Variants in MTMR9 observed in about 807,000 individuals in gnomAD.
MTMR9 encodes the protein myotubularin-related protein 9.
In MTMR9, 39 loss-of-function variants were observed where a neutral mutation model predicts 69.5. The observed-to-expected ratio is 0.56, with a 90% CI of 0.43 to 0.73. The LOEUF (loss-of-function observed/expected upper bound fraction) is 0.73. MTMR9 is among the 30% of genes least tolerant of loss of function. The pLI is 0.00. For synonymous variants in MTMR9, 354 were observed against 240.8 expected, an observed-to-expected ratio of 1.47 and a Z score of -4.35; for missense variants, 900 against 671.2, an observed-to-expected ratio of 1.34 and a Z score of -3.77.
intron 2 of MTMR9, among the ~76,000 whole-genome samples, chr8:11,299,191 G>A (rs1002907731): frequency 6.6e-6 from 1 of 152,126 alleles, no homozygotes; most frequent in African/African-American, 2.4e-5. Context: ...TTAGCTGGGT[G>A]TGGTGGCAGG....
Position 11,293,827 on chromosome 8 carries a change from A to G in MTMR9, c.183-1367A>G, listed in dbSNP as rs78947708. On this transcript the variant is annotated intron_variant, in intron 1 of 9. Transcript: ENST00000221086. ...TGTTGAAAAGACTGACCTGTCTTCA[A>G]TTGAATTGTCTTCGTATCTCTGTTC... is the stretch of plus-strand genomic sequence containing the variant. 5.3e-3 allele frequency among the ~76,000 whole-genome samples: 789 copies of G among 150,182 alleles called. 13 individuals are homozygous for G. The highest frequency in any genetic ancestry group is 0.018 in the African/African-American group (756 of 41,176).
chr8:11,337,724 T>C, the MTMR9 span, among the ~76,000 whole-genome samples: 1 of 152,208 alleles, frequency 6.6e-6, no homozygotes, highest in Non-Finnish European at 1.5e-5. Context: ...AGAAAATAAA[T>C]TTTTAACACA....
In MTMR9 at chr8:11,327,893, G is replaced by A. The variant is rs1801015021; in HGVS notation, c.*5105G>A. 1 of 152,336 alleles carries A rather than the reference G, an allele frequency of 6.6e-6. No individual in the cohort carries two copies. The highest frequency in any genetic ancestry group is 2.1e-4 in the South Asian group (1 of 4,820). 9.4% of individuals were successfully genotyped at this position (152,336 alleles called of 1,614,324 possible). A position where few individuals can be genotyped will look rare whatever the true frequency, so the allele number is the denominator to read the frequency against. On this transcript the variant is annotated 3_prime_UTR_variant, in exon 10 of 10. Coordinates refer to ENST00000221086, the MANE Select transcript of MTMR9 (RefSeq NM_015458.4). Reference sequence around the variant, plus strand: ...TAAGTCTGTGTAACATTTTAATATTGTTTGTAATATTCACTAGGTGATAAT... The same window carrying A: ...TAAGTCTGTGTAACATTTTAATATTATTTGTAATATTCACTAGGTGATAAT...
At chr8:11,301,218 A>G (rs1042163681) in intron 3 of MTMR9, among the ~76,000 whole-genome samples, 2 of 152,250 alleles carry the variant, frequency 1.3e-5, no homozygotes, top group African/African-American at 4.8e-5. Context: ...ATAAGTTTAT[A>G]TGGAAAGTCA....
chr8:11,307,680 C>A (rs1799991209), intron 5 of MTMR9, among the ~76,000 whole-genome samples: 1 of 152,156 alleles, frequency 6.6e-6, no homozygotes, highest in South Asian at 2.1e-4. Flanking sequence ...TACAGGGGTT[C>A]CCTTTTGTCC....
chr8:11,309,709 C>T lies in MTMR9; in HGVS notation c.971+21C>T, dbSNP rs370534413. The stretch of plus-strand genomic sequence containing the variant: ...GACAGGTAAAGTGCATTTCAGCGTT[C>T]CTGAGCGAAACATGGCGCTGCTAAC... On this transcript the variant is annotated intron_variant, in intron 6 of 9. Coordinates refer to ENST00000221086, the MANE Select transcript of MTMR9 (RefSeq NM_015458.4). The T allele has an allele frequency of 1.4e-5, 23 of 1,610,650 alleles. No homozygotes were observed. The East Asian group carries it at 4.2e-4, about 30-fold the overall frequency.
At chr8:11,336,418 A>G in the MTMR9 span, among the ~76,000 whole-genome samples, 2 of 152,178 alleles carry the variant, frequency 1.3e-5, no homozygotes, top group African/African-American at 4.8e-5. Context: ...CCTCCTCTGT[A>G]TTAGATTCCC....
rs181084470 is a variant in MTMR9, at chr8:11,308,967, T to C, written c.810-560T>C. ...CACTGAACAGATTTGCTACATATAC[T>C]TATATTTTCCTAAGTCAAAGACTTT... On this transcript the variant is annotated intron_variant, in intron 5 of 9. Transcript: ENST00000221086. 7.2e-5 allele frequency among the ~76,000 whole-genome samples: 11 copies of C among 152,306 alleles called. No homozygotes were observed. In the East Asian group the frequency reaches 2.1e-3, roughly 29 times the overall value.
At chr8:11,285,219 G>C in intron 1 of MTMR9, 149 bp downstream of exon 1, 10 of 747,168 alleles carry the variant, frequency 1.3e-5, no homozygotes, top group Non-Finnish European at 2.1e-5. Flanking sequence ...GATTTACCAA[G>C]CTGAAACCCG....
chr8:11,306,250 G>T lies in MTMR9; in HGVS notation c.652G>T (p.Glu218Ter). 1 of 1,613,878 alleles carries T rather than the reference G, an allele frequency of 6.2e-7. No homozygotes were observed. The highest frequency in any genetic ancestry group is 8.5e-7 in the Non-Finnish European group (1 of 1,179,930). The change falls in exon 5 of 10, where the codon GAG (glutamate) becomes TAG (stop). Residue 218 changes from glutamate (E) to a stop codon, truncating the protein, a stop_gained. Transcript: ENST00000221086. LOFTEE classifies it high-confidence loss of function. ...AAACGGGAGGAGGTGCAAGGAGGAC[G>T]AGAAGCTGATAAATGCTACCCTCAG... ...GTNGRRCKED[E>*]KLINATLRAG...
At chr8:11,292,585 A>T (rs1025059174) in intron 1 of MTMR9, among the ~76,000 whole-genome samples, 10 of 152,182 alleles carry the variant, frequency 6.6e-5, no homozygotes, top group African/African-American at 2.4e-4. Flanking sequence ...CATTTCCCTT[A>T]TGACTAGTGG....
intron 6 of MTMR9, among the ~76,000 whole-genome samples, chr8:11,313,532 C>T (rs183264658): frequency 1.9e-4 from 29 of 152,344 alleles, no homozygotes; most frequent in Admixed American, 9.8e-4. Flanking sequence ...TTAATCATTT[C>T]TAGCTTTTGA....
intron 6 of MTMR9, among the ~76,000 whole-genome samples, chr8:11,311,987 T>C (rs372935916): frequency 3.3e-4 from 50 of 152,194 alleles, no homozygotes; most frequent in South Asian, 1.9e-3. Flanking sequence ...AAGCAACTCC[T>C]TATTTCTTCA....
rs953724590 is a variant in MTMR9 at position 11,325,822 on chromosome 8, T to C, written c.*3034T>C. 6.6e-6 allele frequency: 1 copy of C among 152,096 alleles called. No homozygotes were observed. Among genetic ancestry groups the C allele is most frequent in the Non-Finnish European group, 1.5e-5 (1 of 68,026 alleles). The allele number at this position is 152,096 out of a possible 1,614,324, so 9.4% of individuals were successfully genotyped here. ...AGCAAGCAGAAATAGTAAAATTCAG[T>C]AGGTTTAAAACAATCTATAAATGTA... On this transcript the variant is annotated 3_prime_UTR_variant, in exon 10 of 10. Coordinates refer to ENST00000221086, the MANE Select transcript of MTMR9 (RefSeq NM_015458.4).
chr8:11,287,262 C>G lies in MTMR9; in HGVS notation c.182+2192C>G, dbSNP rs142579007. Among the ~76,000 whole-genome samples, 5 of 152,314 alleles carry G rather than the reference C, an allele frequency of 3.3e-5. No homozygotes were observed. In the East Asian group the frequency reaches 7.7e-4, roughly 23 times the overall value. The stretch of plus-strand genomic sequence containing the variant: ...GCCGTTGAATACAACTGAGTAGTTT[C>G]TCCATGACCATCAACTACCTTTCCT... On this transcript the variant is annotated intron_variant, in intron 1 of 9. Transcript: ENST00000221086.
intron 3 of MTMR9, among the ~76,000 whole-genome samples, chr8:11,303,297 A>G (rs1226950485): frequency 2.6e-5 from 4 of 151,208 alleles, no homozygotes; most frequent in African/African-American, 9.8e-5. Flanking sequence ...TTGCAGATCA[A>G]TGGAGAGCCC....
chr8:11,309,312 G>A (rs541489735), intron 5 of MTMR9, among the ~76,000 whole-genome samples: 21 of 152,306 alleles, frequency 1.4e-4, no homozygotes, highest in African/African-American at 5.1e-4. Flanking sequence ...TTCAGGTAAG[G>A]AATACGTTAC....
At chr8:11,320,838 G>A (rs898895537) in intron 9 of MTMR9, 3 of 152,180 alleles carry the variant, frequency 2.0e-5, no homozygotes, top group African/African-American at 2.4e-5. Flanking sequence ...TTATTTTGAA[G>A]ATAATAAGCA....
chr8:11,325,876 A>G lies in MTMR9; in HGVS notation c.*3088A>G, dbSNP rs1280183035. 6.6e-6 allele frequency: 1 copy of G among 152,192 alleles called. No homozygotes were observed. The highest frequency in any genetic ancestry group is 1.5e-5 in the Non-Finnish European group (1 of 68,044). 9.4% of individuals were successfully genotyped at this position (152,192 alleles called of 1,614,324 possible). On this transcript the variant is annotated 3_prime_UTR_variant, in exon 10 of 10. Coordinates refer to ENST00000221086, the MANE Select transcript of MTMR9 (RefSeq NM_015458.4). Reference sequence around the variant, plus strand: ...TATTTCCAAGAAAACTTAGGGTCTCAAAGCAAGATTTTAAAGTGATTTTTG... The same window carrying G: ...TATTTCCAAGAAAACTTAGGGTCTCGAAGCAAGATTTTAAAGTGATTTTTG...
Sources: allele counts gnomAD v4.1 joint callset (sites outside exome capture counted in the v4.1 genomes callset), GRCh38; gene constraint gnomAD v4.1.1; transcripts MANE v1.5; gene names NCBI Gene and HGNC (gene_info 2026-07-23, HGNC 2026-07-21).